Variants in FAXC observed in about 807,000 individuals in gnomAD.
FAXC encodes failed axon connections homolog, metaxin like GST domain containing, also known as failed axon connections homolog.
Under a neutral mutation model 41.9 loss-of-function variants are expected in FAXC, and 10 were observed. The ratio of observed to expected loss-of-function variants is 0.24; its 90% CI spans 0.15 to 0.41. FAXC has a LOEUF of 0.41. Among genes scored for constraint, FAXC ranks in the 10% least tolerant of loss-of-function variants. FAXC has a pLI of 1.00. For synonymous variants in FAXC, 183 were observed against 183.8 expected (o/e 1.00, Z 0.03); for missense variants, 399 against 510.9 (o/e 0.78, Z 2.11).
chr6:99,333,010 A>C (rs1250105817), intron 3 of FAXC, among the ~76,000 whole-genome samples: 2 of 152,238 alleles, frequency 1.3e-5, no homozygotes, highest in South Asian at 2.1e-4. Context: ...TTCAGTACCC[A>C]TAATAAAGTT....
At position 99,320,054 on chromosome 6, in the gene FAXC, T is replaced by C. The variant is rs191645332; in HGVS notation, c.823+3390A>G. On this transcript the variant is annotated intron_variant, in intron 4 of 5. Coordinates refer to ENST00000389677, the MANE Select transcript of FAXC (RefSeq NM_032511.4). ...ACCCTCCCAAAACTACATTAAATAA[T>C]AGCAAGAGCAGGCATCTTTGTTTGG... 1.9e-4 allele frequency among the ~76,000 whole-genome samples: 29 copies of C among 152,326 alleles called. No individual in the cohort carries two copies. The East Asian group carries it at 4.8e-3, about 25-fold the overall frequency.
Position 99,311,903 on chromosome 6 carries a change from C to A in FAXC, c.823+11541G>T, listed in dbSNP as rs1165274546. ...TCTACAGTGACAACTAAGTCATTAG[C>A]CACTTTTAAGTATTTGAAAAAAGTT... On this transcript the variant is annotated intron_variant, in intron 4 of 5. Transcript: ENST00000389677. 2.6e-5 allele frequency among the ~76,000 whole-genome samples: 4 copies of A among 152,286 alleles called. No individual in the cohort carries two copies. The East Asian group carries it at 7.7e-4, about 29-fold the overall frequency.
chr6:99,295,342 T>A (rs945923406), intron 4 of FAXC, among the ~76,000 whole-genome samples: 2 of 152,226 alleles, frequency 1.3e-5, no homozygotes, highest in South Asian at 4.1e-4. Flanking sequence ...AATTTTAGAT[T>A]TACAGAAATG....
chr6:99,328,551 G>GGCC (rs1772906133), intron 3 of FAXC, among the ~76,000 whole-genome samples: 1 of 152,100 alleles, frequency 6.6e-6, no homozygotes, highest in African/African-American at 2.4e-5. Context: ...CAGCCCAAAC[G>GGCC]GCCTAATATA....
intron 3 of FAXC, among the ~76,000 whole-genome samples, chr6:99,324,636 C>T (rs948010181): frequency 1.3e-5 from 2 of 152,080 alleles, no homozygotes; most frequent in African/African-American, 4.8e-5. Context: ...TTCACTGTTC[C>T]AACATTTTGC....
chr6:99,288,859 T>TACACATACACACACACACACAC (rs1771122287), intron 5 of FAXC, among the ~76,000 whole-genome samples: 3 of 145,736 alleles, frequency 2.1e-5, no homozygotes, highest in Admixed American at 2.0e-4. Context: ...CACACACACA[T>TACACATACACACACACACACAC]ACACACACAC....
chr6:99,342,839 T>TA, intron 2 of FAXC, 59 bp downstream of exon 2: 1 of 1,512,068 alleles, frequency 6.6e-7, no homozygotes, highest in Non-Finnish European at 8.9e-7. Context: ...CCCCTTTAGT[T>TA]AAATACTCAT....
chr6:99,295,009 T>C (rs772695994), intron 4 of FAXC, among the ~76,000 whole-genome samples: 31 of 152,308 alleles, frequency 2.0e-4, no homozygotes, highest in Non-Finnish European at 3.7e-4. Flanking sequence ...ATGTGCCACA[T>C]GGACCTTAAT....
rs1229716234 is a variant in FAXC, at chr6:99,273,194, GGTAA to G, written c.*7966_*7969del. ...TTGTGATTGCAAAACAGAGGGTGCA[GGTAA>G]GTGTTTCCAGGTGGTGTCCGCCCAT... is the stretch of plus-strand genomic sequence containing the variant. On this transcript the variant is annotated 3_prime_UTR_variant, in exon 6 of 6. Transcript: ENST00000389677. 3 of 152,236 alleles carry G rather than the reference GGTAA, an allele frequency of 2.0e-5. No individual in the cohort carries two copies. The South Asian group carries it at 6.2e-4, about 32-fold the overall frequency. 9.4% of individuals were successfully genotyped at this position (152,236 alleles called of 1,614,324 possible).
At chr6:99,338,119 A>T (rs1265095060) in intron 2 of FAXC, among the ~76,000 whole-genome samples, 2 of 152,152 alleles carry the variant, frequency 1.3e-5, no homozygotes, top group Non-Finnish European at 2.9e-5. Context: ...TCCCTTTCTA[A>T]ACCACAGCAC....
rs773559712 is a variant in FAXC, at chr6:99,323,709, C to T, written c.600-42G>A. On this transcript the variant is annotated intron_variant, in intron 3 of 5. Coordinates refer to ENST00000389677, the MANE Select transcript of FAXC (RefSeq NM_032511.4). ...ACAAGTTACTACTGTGCATCAGGTA[C>T]ATATCAGCTCCACAGGGTCACTTTA... The T allele has an allele frequency of 4.1e-6, 6 of 1,474,812 alleles. No homozygotes were observed. In the Admixed American group the frequency reaches 8.5e-5, roughly 21 times the overall value. The allele number at this position is 1,474,812 out of a possible 1,614,324, so 91.4% of individuals were successfully genotyped here. A position where few individuals can be genotyped will look rare whatever the true frequency, so the allele number is the denominator to read the frequency against.
Position 99,333,419 on chromosome 6 carries a change from T to G in FAXC, c.531A>C (p.Lys177Asn). ...TGGCTCTTTCATGAGGGCCAAGGTT[T>G]TTGTTTAAATTCACTCCAAGCTTCT... ...LEEKLGVNLN[K>N]NLGPHERAIS... Residue 177 changes from lysine to asparagine, a missense_variant, in exon 3 of 6, where the codon AAA becomes AAC. Physicochemically the swap from Lys to Asn is moderately conservative, Grantham distance 94. Transcript: ENST00000389677. 1 of 1,614,142 alleles carries G rather than the reference T, an allele frequency of 6.2e-7. No individual in the cohort carries two copies. Among genetic ancestry groups the G allele is most frequent in the Non-Finnish European group, 8.5e-7 (1 of 1,180,004 alleles).
rs190406309 is a variant in FAXC at position 99,342,964 on chromosome 6, A to G, written c.336T>C (p.Val112=). ...TTAAACAGAAAGGAGATAAACTTGG[A>G]ACACCATTGTTAGGTCTTGCAAACT... ...LHQFARPNNG[V]PSLSPFCLKM... The change falls in exon 2 of 6, where the codon GTT becomes GTC. Residue 112 remains valine, a synonymous_variant. Coordinates refer to ENST00000389677, the MANE Select transcript of FAXC (RefSeq NM_032511.4). The G allele has an allele frequency of 6.8e-5, 110 of 1,612,806 alleles. No individual in the cohort carries two copies. Among genetic ancestry groups the G allele is most frequent in the South Asian group, 5.1e-4 (46 of 90,646 alleles).
chr6:99,337,268 G>C (rs924725750), intron 2 of FAXC, among the ~76,000 whole-genome samples: 6 of 150,230 alleles, frequency 4.0e-5, no homozygotes, highest in Admixed American at 2.0e-4. Context: ...AAAAAAAAAA[G>C]AGGCAGGAGG....
At position 99,271,956 on chromosome 6, in the gene FAXC, CAT is replaced by C. The variant is rs752362063; in HGVS notation, c.*9206_*9207del. On this transcript the variant is annotated 3_prime_UTR_variant, in exon 6 of 6. Transcript: ENST00000389677. ...ATCCTTTAAGGTTCATTACCATACACATGTGTGAATCACTTCATAGTAAGATT... is the reference window on the plus strand; with the variant it reads ...ATCCTTTAAGGTTCATTACCATACACGTGTGAATCACTTCATAGTAAGATT... The C allele has an allele frequency of 1.8e-4, 28 of 152,164 alleles. No homozygotes were observed. Among genetic ancestry groups the C allele is most frequent in the African/African-American group, 1.9e-4 (8 of 41,440 alleles). 9.4% of individuals were successfully genotyped at this position (152,164 alleles called of 1,614,324 possible). A position where few individuals can be genotyped will look rare whatever the true frequency, so the allele number is the denominator to read the frequency against.
intron 4 of FAXC, among the ~76,000 whole-genome samples, chr6:99,314,615 A>T (rs1772267976): frequency 6.6e-6 from 1 of 152,136 alleles, no homozygotes; most frequent in Non-Finnish European, 1.5e-5. Context: ...AAACGGATAT[A>T]GGATCACACC....
In FAXC at chr6:99,281,317, C is replaced by T. The variant is rs778706262; in HGVS notation, c.1077G>A (p.Leu359=). Residue 359 remains leucine, a synonymous_variant, in exon 6 of 6, where the codon CTG becomes CTA. Transcript: ENST00000389677. ...SEGSKTHTPL[L]DFSFYSRTET... ...CTGTCCTTGAGTAAAAGCTAAAATCCAGCAGCGGGGTGTGGGTTTTGCTGC... is the reference window on the plus strand; with the variant it reads ...CTGTCCTTGAGTAAAAGCTAAAATCTAGCAGCGGGGTGTGGGTTTTGCTGC... 3.7e-6 allele frequency: 6 copies of T among 1,614,058 alleles called. No individual in the cohort carries two copies. In the African/African-American group the frequency reaches 8.0e-5, roughly 22 times the overall value.
In FAXC at chr6:99,278,184, G is replaced by C. The variant is rs1049842371; in HGVS notation, c.*2980C>G. The C allele has an allele frequency of 5.3e-5, 8 of 152,138 alleles. No individual in the cohort carries two copies. The highest frequency in any genetic ancestry group is 1.7e-4 in the African/African-American group (7 of 41,440). 9.4% of individuals were successfully genotyped at this position (152,138 alleles called of 1,614,324 possible). On this transcript the variant is annotated 3_prime_UTR_variant, in exon 6 of 6. Coordinates refer to ENST00000389677, the MANE Select transcript of FAXC (RefSeq NM_032511.4). ...TTCATTATGTAACAACAACAAATTG[G>C]TAAATGCTGACAATATAGTTCATCA...
chr6:99,323,693 T>A (rs1772677925), intron 3 of FAXC, 26 bp from the exon 4 acceptor site: 1 of 1,573,018 alleles, frequency 6.4e-7, no homozygotes. Context: ...AACAAGTTAC[T>A]ACTGTGCATC....
Sources: allele counts gnomAD v4.1 joint callset (sites outside exome capture counted in the v4.1 genomes callset), GRCh38; gene constraint gnomAD v4.1.1; transcripts MANE v1.5; gene names NCBI Gene and HGNC (gene_info 2026-07-23, HGNC 2026-07-21).